Variants in NTNG1 observed in about 807,000 individuals in gnomAD.
NTNG1 encodes the protein netrin G1.
Under a neutral mutation model 54.0 loss-of-function variants are expected in NTNG1, and 16 were observed. The ratio of observed to expected loss-of-function variants is 0.30; its 90% confidence interval spans 0.20 to 0.45. The LOEUF (loss-of-function observed/expected upper bound fraction) is 0.45, where lower values mean the gene tolerates loss of function less well. Ranked by LOEUF, NTNG1 falls within the 20% of genes least tolerant of loss-of-function variation. The probability of loss-of-function intolerance (pLI) is 1.00; values close to 1 mark genes in which losing one functional copy is unlikely to be tolerated. For missense variants in NTNG1, 530 were observed against 678.7 expected (o/e 0.78, Z 2.43); for synonymous variants, 255 against 263.1 (o/e 0.97, Z 0.30).
At chr1:107,323,337 A>G (rs1371879042) in intron 2 of NTNG1, among the ~76,000 whole-genome samples, 1 of 152,160 alleles carries the variant, frequency 6.6e-6, no homozygotes, top group Non-Finnish European at 1.5e-5. Flanking sequence ...ATGAAAGCTG[A>G]GAGTAGCCAT....
intron 2 of NTNG1, among the ~76,000 whole-genome samples, chr1:107,203,665 G>C (rs943562926): frequency 2.0e-5 from 3 of 150,530 alleles, no homozygotes; most frequent in South Asian, 2.1e-4. Flanking sequence ...TTTTATGTTT[G>C]GTTTTTCAAC....
chr1:107,150,396 A>T (rs1044565739), intron 2 of NTNG1, among the ~76,000 whole-genome samples: 2 of 152,170 alleles, frequency 1.3e-5, no homozygotes, highest in East Asian at 1.9e-4. Flanking sequence ...ATAAGAGCTC[A>T]TTACAAATCT....
intron 2 of NTNG1, among the ~76,000 whole-genome samples, chr1:107,214,724 G>A (rs1659827680): frequency 6.6e-6 from 1 of 151,362 alleles, no homozygotes; most frequent in Non-Finnish European, 1.5e-5. Flanking sequence ...TGTCATAGTG[G>A]TTGTACTAGT....
chr1:107,205,141 C>G (rs1659078887), intron 2 of NTNG1, among the ~76,000 whole-genome samples: 2 of 152,182 alleles, frequency 1.3e-5, no homozygotes, highest in Non-Finnish European at 2.9e-5. Flanking sequence ...AAAATTCACA[C>G]TCAACCTCCA....
intron 2 of NTNG1, among the ~76,000 whole-genome samples, chr1:107,300,168 C>T (rs181598754): frequency 5.6e-4 from 85 of 152,282 alleles, no homozygotes; most frequent in Non-Finnish European, 9.6e-4. Context: ...ATTAAACGCA[C>T]GTACTGACGC....
intron 2 of NTNG1, among the ~76,000 whole-genome samples, chr1:107,231,562 G>A (rs182569067): frequency 6.6e-6 from 1 of 152,064 alleles, no homozygotes; most frequent in African/African-American, 2.4e-5. Context: ...ATATGAGTAG[G>A]TTAGATTATC....
At chr1:107,446,097 GA>G (rs1284850649) in intron 7 of NTNG1, among the ~76,000 whole-genome samples, 1 of 152,034 alleles carries the variant, frequency 6.6e-6, no homozygotes, top group African/African-American at 2.4e-5. Context: ...AAGAACATAA[GA>G]AAAACATACA....
chr1:107,145,881 G>T (rs1030666307), intron 1 of NTNG1, among the ~76,000 whole-genome samples: 1 of 151,974 alleles, frequency 6.6e-6, no homozygotes, highest in South Asian at 2.1e-4. Context: ...ATGAGAATTC[G>T]TTATATTGGG....
rs368769111 is a variant in NTNG1, at chr1:107,262,974, G to A, written c.247-61308G>A. Among the ~76,000 whole-genome samples, 25 of 152,274 alleles carry A rather than the reference G, an allele frequency of 1.6e-4. No homozygotes were observed. In the East Asian group the frequency reaches 1.9e-3, roughly 12 times the overall value. On this transcript the variant is annotated intron_variant, in intron 2 of 7. Coordinates refer to ENST00000370068, the MANE Select transcript of NTNG1 (RefSeq NM_001113226.3). ...AATCAGCCCATTAGAGGATCTGGTG[G>A]TAAAGGAATGGAAATCATTATCTAG...
At chr1:107,404,425 A>G (rs1326346068) in intron 4 of NTNG1, among the ~76,000 whole-genome samples, 1 of 152,174 alleles carries the variant, frequency 6.6e-6, no homozygotes, top group Non-Finnish European at 1.5e-5. Flanking sequence ...TTCAAAGACA[A>G]TATGTATTGT....
intron 3 of NTNG1, among the ~76,000 whole-genome samples, chr1:107,381,630 G>A (rs1336470835): frequency 5.3e-5 from 8 of 152,158 alleles, no homozygotes; most frequent in African/African-American, 1.9e-4. Context: ...GAAGTAACGT[G>A]ATGTACTCTG....
intron 2 of NTNG1, among the ~76,000 whole-genome samples, chr1:107,305,926 T>G (rs1001144107): frequency 1.3e-5 from 2 of 152,300 alleles, no homozygotes; most frequent in South Asian, 4.1e-4. Context: ...AATATTTTAT[T>G]AATTAATTTA....
intron 5 of NTNG1, among the ~76,000 whole-genome samples, chr1:107,425,315 G>C (rs1674830067): frequency 6.6e-6 from 1 of 151,960 alleles, no homozygotes; most frequent in African/African-American, 2.4e-5. Flanking sequence ...ATTACCAGTA[G>C]GTAATTTTTC....
rs754738556 is a variant in NTNG1 at position 107,480,768 on chromosome 1, G to T, written c.1548G>T (p.Ala516=). Residue 516 remains alanine (A), a synonymous_variant, in exon 8 of 8, where the codon GCG becomes GCT. Transcript: ENST00000370068. ...GSCGSDSGQG[A]PPHGSPALLL... ...GCGGCTCCGACTCTGGCCAGGGCGC[G>T]CCCCCGCACGGCTCCCCAGCGCTGC... is the stretch of plus-strand genomic sequence containing the variant. 16 of 1,602,646 alleles carry T rather than the reference G, an allele frequency of 1.0e-5. No homozygotes were observed. In the Admixed American group the frequency reaches 2.7e-4, roughly 27 times the overall value.
intron 2 of NTNG1, among the ~76,000 whole-genome samples, chr1:107,276,929 G>A (rs975509916): frequency 2.0e-5 from 3 of 151,770 alleles, no homozygotes; most frequent in Non-Finnish European, 4.4e-5. Context: ...TACTGTAACA[G>A]GATTAGATAT....
intron 3 of NTNG1, among the ~76,000 whole-genome samples, chr1:107,326,335 T>A (rs1475250111): frequency 6.6e-6 from 1 of 152,112 alleles, no homozygotes; most frequent in Non-Finnish European, 1.5e-5. Context: ...AACTTGTGAG[T>A]TCTAAGCTGT....
intron 3 of NTNG1, among the ~76,000 whole-genome samples, chr1:107,374,573 A>AG (rs1671116314): frequency 6.6e-6 from 1 of 152,026 alleles, no homozygotes; most frequent in Admixed American, 6.5e-5. Flanking sequence ...TGGGTCTTTT[A>AG]AAAATATATA....
intron 2 of NTNG1, among the ~76,000 whole-genome samples, chr1:107,149,950 C>A (rs1654433408): frequency 6.6e-6 from 1 of 151,932 alleles, no homozygotes; most frequent in African/African-American, 2.4e-5. Flanking sequence ...GTTCACAGTC[C>A]CCAGTGAGTT....
intron 3 of NTNG1, among the ~76,000 whole-genome samples, chr1:107,361,374 CATATAT>C (rs1553232701): frequency 3.4e-5 from 3 of 87,994 alleles, no homozygotes; most frequent in African/African-American, 1.3e-4. Context: ...TATATATATA[CATATAT>C]ATATATATAT....
Sources: gnomAD v4.1 joint callset for allele counts (sites outside exome capture counted in the v4.1 genomes callset) on GRCh38, gnomAD v4.1.1 for gene constraint, MANE v1.5 for transcripts, NCBI Gene and HGNC (gene_info 2026-07-23, HGNC 2026-07-21) for gene names.